The following TTC39B variants were observed in gnomAD, a reference collection of about 807,000 sequenced individuals.
TTC39B encodes tetratricopeptide repeat protein 39B.
In TTC39B, 92 loss-of-function variants were observed where a neutral mutation model predicts 96.6. The ratio of observed to expected loss-of-function variants is 0.95; its 90% CI spans 0.80 to 1.13. The LOEUF (loss-of-function observed/expected upper bound fraction) is 1.13. Ranked by LOEUF, TTC39B falls within the 50% of genes most tolerant of loss-of-function variation. TTC39B has a pLI of 0.00. For synonymous variants in TTC39B, 367 were observed against 299.4 expected, an observed-to-expected ratio of 1.23 and a Z score of -2.33; for missense variants, 955 against 809.3, an observed-to-expected ratio of 1.18 and a Z score of -2.18.
intron 7 of TTC39B, among the ~76,000 whole-genome samples, chr9:15,200,454 T>C (rs1283167727): frequency 1.3e-5 from 2 of 152,362 alleles, no homozygotes; most frequent in Non-Finnish European, 2.9e-5. Flanking sequence ...CTGAAGTGGC[T>C]GTCACTACTA....
At chr9:15,187,265 G>C (rs1192886066) in intron 14 of TTC39B, among the ~76,000 whole-genome samples, 1 of 152,172 alleles carries the variant, frequency 6.6e-6, no homozygotes, top group African/African-American at 2.4e-5. Context: ...AGGTGAGAAA[G>C]TGGACAGAAT....
intron 8 of TTC39B, among the ~76,000 whole-genome samples, chr9:15,193,126 G>A (rs368389037): frequency 3.9e-5 from 6 of 152,184 alleles, no homozygotes; most frequent in African/African-American, 7.2e-5. Context: ...GACTGCCATC[G>A]TCTCAAACAG....
At chr9:15,271,238 A>G (rs1232744954) in intron 1 of TTC39B, among the ~76,000 whole-genome samples, 1 of 152,074 alleles carries the variant, frequency 6.6e-6, no homozygotes, top group African/African-American at 2.4e-5. Flanking sequence ...TCTCTAGAAG[A>G]GTGTATTTGT....
At chr9:15,241,950 T>G (rs1822062405) in intron 2 of TTC39B, among the ~76,000 whole-genome samples, 1 of 152,088 alleles carries the variant, frequency 6.6e-6, no homozygotes, top group Non-Finnish European at 1.5e-5. Context: ...TTCATCATAT[T>G]GGTCACGCTG....
intron 7 of TTC39B, among the ~76,000 whole-genome samples, chr9:15,201,538 G>T (rs1157185755): frequency 6.6e-6 from 1 of 152,150 alleles, no homozygotes; most frequent in East Asian, 1.9e-4. Flanking sequence ...GTATAGAAAG[G>T]CAAAGCAGAT....
chr9:15,203,746 T>C, intron 7 of TTC39B, 77 bp downstream of exon 7: 2 of 1,181,354 alleles, frequency 1.7e-6, no homozygotes, highest in Non-Finnish European at 2.4e-6. Flanking sequence ...AGCTTTGACA[T>C]AGAATGCACC....
chr9:15,255,171 A>C (rs1179559743), intron 2 of TTC39B, among the ~76,000 whole-genome samples: 1 of 152,168 alleles, frequency 6.6e-6, no homozygotes, highest in African/African-American at 2.4e-5. Context: ...ATACAATAAT[A>C]AAAGTTATAT....
chr9:15,177,869 C>CTTTTT (rs371656816), intron 17 of TTC39B, 55 bp from the exon 18 acceptor site: 6 of 466,496 alleles, frequency 1.3e-5, no homozygotes, highest in South Asian at 4.7e-5. Context: ...TTTTTAAGAT[C>CTTTTT]TTTTTTTTTT....
intron 1 of TTC39B, among the ~76,000 whole-genome samples, chr9:15,285,151 G>A (rs534870211): frequency 2.9e-4 from 44 of 152,048 alleles, no homozygotes; most frequent in East Asian, 1.9e-3. Context: ...TGTAGTCCCA[G>A]CTACTCGGGG....
intron 7 of TTC39B, among the ~76,000 whole-genome samples, chr9:15,201,735 T>A (rs78690038): frequency 0.016 from 2,427 of 152,254 alleles, 25 homozygotes; most frequent in Non-Finnish European, 0.025. Flanking sequence ...CGTCAGTGGC[T>A]TTCAAGGACA....
At chr9:15,172,252 C>T (rs1817701921) in intron 19 of TTC39B, 143 bp from the exon 20 acceptor site, 1 of 499,566 alleles carries the variant, frequency 2.0e-6, no homozygotes. Context: ...AATGCAGATT[C>T]TGGTTCTGTT....
intron 7 of TTC39B, among the ~76,000 whole-genome samples, chr9:15,202,477 C>T (rs193203439): frequency 3.9e-5 from 6 of 152,086 alleles, no homozygotes; most frequent in South Asian, 2.1e-4. Context: ...TTTGGGAGGC[C>T]GAGGTGGGTG....
At chr9:15,198,588 T>TA (rs1221421459) in intron 8 of TTC39B, among the ~76,000 whole-genome samples, 15 of 151,290 alleles carry the variant, frequency 9.9e-5, no homozygotes, top group South Asian at 4.2e-4. Context: ...TGTAATAACT[T>TA]AAAAACAATA....
chr9:15,168,199 C>T (rs1273861305), exon 20 of TTC39B: 1 of 152,198 alleles, frequency 6.6e-6, no homozygotes, highest in East Asian at 1.9e-4. Context: ...GGGTGCTCCG[C>T]AGCCATGTGT....
At chr9:15,237,098 T>A (rs1195955353) in intron 2 of TTC39B, among the ~76,000 whole-genome samples, 1 of 152,074 alleles carries the variant, frequency 6.6e-6, no homozygotes, top group Non-Finnish European at 1.5e-5. Flanking sequence ...ATGGATCACC[T>A]GATGTCAGGA....
intron 3 of TTC39B, among the ~76,000 whole-genome samples, chr9:15,221,807 C>T (rs115422848): frequency 4.9e-3 from 740 of 152,212 alleles, no homozygotes; most frequent in African/African-American, 0.017. Flanking sequence ...ATTATTATAC[C>T]TTAATGCCCC....
Position 15,203,894 on chromosome 9 carries a change from CA to C in TTC39B, c.692-5del. The stretch of plus-strand genomic sequence containing the variant: ...CAGATTTCAGCATGCATTTCCTCTA[CA>C]AAAAACAAATAAAATTATATTAAGT... On this transcript the variant is annotated splice_region_variant and splice_polypyrimidine_tract_variant and intron_variant, in intron 6 of 19. Transcript: ENST00000512701. 1.2e-6 allele frequency: 2 copies of C among 1,610,996 alleles called. No homozygotes were observed. Among genetic ancestry groups the C allele is most frequent in the East Asian group, 2.2e-5 (1 of 44,774 alleles).
chr9:15,166,982 T>TTTTA (rs1387664027), exon 20 of TTC39B: 11 of 20,280 alleles, frequency 5.4e-4, no homozygotes, highest in African/African-American at 1.1e-3. Context: ...AACCTTTATT[T>TTTTA]TATATATATA....
At chr9:15,210,206 A>G in intron 5 of TTC39B, 42 bp from the exon 6 acceptor site, 1 of 1,363,370 alleles carries the variant, frequency 7.3e-7, no homozygotes, top group Non-Finnish European at 1.0e-6. Flanking sequence ...AATAGAAAAA[A>G]AAAATCAGGC....
Sources: allele counts gnomAD v4.1 joint callset (sites outside exome capture counted in the v4.1 genomes callset), GRCh38; gene constraint gnomAD v4.1.1; transcripts MANE v1.5; gene names NCBI Gene and HGNC (gene_info 2026-07-23, HGNC 2026-07-21).